The following KCNS3 variants were observed in gnomAD, a reference collection of about 807,000 sequenced individuals.
The protein encoded by KCNS3 is delayed-rectifier potassium channel regulatory subunit KCNS3.
KCNS3 carries 13 observed loss-of-function variants against 31.0 expected under a neutral mutation model. The observed-to-expected ratio is 0.42, with a 90% CI of 0.27 to 0.67. The LOEUF (loss-of-function observed/expected upper bound fraction) is 0.67. Ranked by LOEUF, KCNS3 falls within the 30% of genes least tolerant of loss-of-function variation. KCNS3 has a pLI of 0.25. For synonymous variants in KCNS3, 238 were observed against 241.5 expected, an observed-to-expected ratio of 0.99 and a Z score of 0.13; for missense variants, 545 against 622.4, an observed-to-expected ratio of 0.88 and a Z score of 1.32.
At chr2:17,907,123 C>A (rs1234194876) in intron 1 of KCNS3, among the ~76,000 whole-genome samples, 1 of 151,962 alleles carries the variant, frequency 6.6e-6, no homozygotes, top group Non-Finnish European at 1.5e-5. Context: ...TAAGGACTTG[C>A]TTTATGAATC....
intron 1 of KCNS3, among the ~76,000 whole-genome samples, chr2:17,915,706 T>C (rs1030729989): frequency 6.6e-6 from 1 of 152,216 alleles, no homozygotes; most frequent in Non-Finnish European, 1.5e-5. Flanking sequence ...CTTGTGGGTC[T>C]CAGAAGATGC....
At chr2:17,899,727 A>T (rs1416138341) in intron 1 of KCNS3, among the ~76,000 whole-genome samples, 2 of 152,236 alleles carry the variant, frequency 1.3e-5, no homozygotes, top group Admixed American at 6.5e-5. Flanking sequence ...GTTTTCCAGA[A>T]AAGTTATTTT....
chr2:17,912,989 G>A (rs1386327205), intron 1 of KCNS3, among the ~76,000 whole-genome samples: 2 of 152,112 alleles, frequency 1.3e-5, no homozygotes, highest in African/African-American at 4.8e-5. Context: ...GTAGTGGAGG[G>A]ATATTCTTAG....
chr2:17,899,407 A>G (rs922974586), intron 1 of KCNS3, among the ~76,000 whole-genome samples: 2 of 144,924 alleles, frequency 1.4e-5, no homozygotes, highest in African/African-American at 5.0e-5. Flanking sequence ...TATTACATCT[A>G]TCTTTTGCTG....
chr2:17,925,578 C>T (rs143182351), intron 2 of KCNS3, among the ~76,000 whole-genome samples: 1 of 152,238 alleles, frequency 6.6e-6, no homozygotes, highest in East Asian at 1.9e-4. Flanking sequence ...GGGGAAGAGG[C>T]ACGTCTTACA....
upstream of KCNS3, among the ~76,000 whole-genome samples, chr2:17,878,289 C>T (rs1049905405): frequency 3.3e-5 from 5 of 152,208 alleles, no homozygotes; most frequent in African/African-American, 1.2e-4. Flanking sequence ...GGGAGGTCAT[C>T]TTTTTCCCGC....
chr2:17,900,209 G>GA (rs1476150938), intron 1 of KCNS3, among the ~76,000 whole-genome samples: 7 of 152,130 alleles, frequency 4.6e-5, no homozygotes, highest in African/African-American at 1.4e-4. Flanking sequence ...CAAAAATTAA[G>GA]AAAAAATAGG....
chr2:17,915,494 G>A (rs1662569668), intron 1 of KCNS3, among the ~76,000 whole-genome samples: 2 of 151,966 alleles, frequency 1.3e-5, no homozygotes, highest in African/African-American at 2.4e-5. Context: ...CAACTAAGAG[G>A]GATCTTGATT....
chr2:17,878,441 ATC>A (rs1674556297), upstream of KCNS3, among the ~76,000 whole-genome samples: 1 of 151,654 alleles, frequency 6.6e-6, no homozygotes, highest in Non-Finnish European at 1.5e-5. Context: ...GCAGGGCAGC[ATC>A]TAGGTCTATG....
Position 17,918,140 on chromosome 2 carries a change from C to T in KCNS3, c.-60+269C>T, listed in dbSNP as rs1046181958. Reference sequence around the variant, plus strand: ...TCTCCCTTTTTTGACATTTATAGTTCAGACTTGAGAGAATGACACTACTGT... The same window carrying T: ...TCTCCCTTTTTTGACATTTATAGTTTAGACTTGAGAGAATGACACTACTGT... On this transcript the variant is annotated intron_variant, in intron 2 of 2. Transcript: ENST00000304101. 8.1e-4 allele frequency among the ~76,000 whole-genome samples: 123 copies of T among 152,138 alleles called. 2 individuals carry two copies. The highest frequency in any genetic ancestry group is 2.9e-5 in the Non-Finnish European group (2 of 68,022).
intron 2 of KCNS3, among the ~76,000 whole-genome samples, chr2:17,925,921 C>T (rs1662827540): frequency 1.3e-5 from 2 of 152,226 alleles, no homozygotes; most frequent in African/African-American, 4.8e-5. Context: ...TCCAAAGTTT[C>T]ATCCGAGACA....
intron 1 of KCNS3, among the ~76,000 whole-genome samples, chr2:17,879,877 G>A (rs1674603999): frequency 6.6e-6 from 1 of 152,232 alleles, no homozygotes; most frequent in Non-Finnish European, 1.5e-5. Context: ...AAGGCGTGAA[G>A]TGGGGGGAGG....
chr2:17,892,034 G>A (rs1345505870), intron 1 of KCNS3, among the ~76,000 whole-genome samples: 1 of 152,110 alleles, frequency 6.6e-6, no homozygotes, highest in Non-Finnish European at 1.5e-5. Flanking sequence ...CAAGCTTTTA[G>A]AATTCTCTTC....
At chr2:17,920,658 G>C (rs779919401) in intron 2 of KCNS3, among the ~76,000 whole-genome samples, 1 of 152,178 alleles carries the variant, frequency 6.6e-6, no homozygotes. Context: ...GAGTGATGTG[G>C]GTTGATAGTA....
intron 2 of KCNS3, among the ~76,000 whole-genome samples, chr2:17,929,617 C>A (rs1662911459): frequency 6.6e-6 from 1 of 152,172 alleles, no homozygotes; most frequent in South Asian, 2.1e-4. Flanking sequence ...TCCACTTGAA[C>A]CTTTGAGCTG....
chr2:17,900,124 T>C (rs1185708744), intron 1 of KCNS3, among the ~76,000 whole-genome samples: 1 of 152,202 alleles, frequency 6.6e-6, no homozygotes, highest in Non-Finnish European at 1.5e-5. Flanking sequence ...TCTTAATGCC[T>C]GGTTCTCTGC....
At chr2:17,888,532 A>T (rs1661745760) in intron 1 of KCNS3, among the ~76,000 whole-genome samples, 1 of 150,240 alleles carries the variant, frequency 6.7e-6, no homozygotes, top group Non-Finnish European at 1.5e-5. Flanking sequence ...TGATGAGTTA[A>T]TGGGTGCAGC....
Position 17,931,689 on chromosome 2 carries a change from C to T in KCNS3, c.681C>T (p.Ile227=), listed in dbSNP as rs752619752. The change falls in exon 3 of 3, where the codon ATC becomes ATT. Residue 227 remains isoleucine (I), a synonymous_variant. Transcript: ENST00000304101. This position sits in a 1 kb window ranked among gnomAD's most constrained non-coding sequence, Gnocchi z 5.4. ...VDDPVLEGVE[I]ACIAWFTGEL... ...ATCCGGTGCTGGAAGGAGTGGAGAT[C>T]GCGTGCATTGCCTGGTTCACCGGGG... is the stretch of plus-strand genomic sequence containing the variant. The T allele has an allele frequency of 9.3e-6, 15 of 1,614,120 alleles. No homozygotes were observed. The highest frequency in any genetic ancestry group is 2.7e-5 in the African/African-American group (2 of 75,016).
At chr2:17,929,264 A>G (rs1301234544) in intron 2 of KCNS3, among the ~76,000 whole-genome samples, 1 of 152,160 alleles carries the variant, frequency 6.6e-6, no homozygotes, top group African/African-American at 2.4e-5. Context: ...TGGGTAATTT[A>G]TAAAGATTTA....
Sources: allele counts gnomAD v4.1 joint callset (sites outside exome capture counted in the v4.1 genomes callset), GRCh38; gene constraint gnomAD v4.1.1; non-coding constraint Gnocchi (gnomAD v3.1); transcripts MANE v1.5; gene names NCBI Gene and HGNC (gene_info 2026-07-23, HGNC 2026-07-21).